The following GPC6 variants were observed in gnomAD, a reference collection of about 807,000 sequenced individuals.
The protein encoded by GPC6 is glypican 6.
In GPC6, 14 loss-of-function variants were observed where a neutral mutation model predicts 55.2. The observed-to-expected ratio is 0.25, with a 90% CI of 0.17 to 0.40. The LOEUF (loss-of-function observed/expected upper bound fraction) is 0.40. Ranked by LOEUF, GPC6 falls within the 10% of genes least tolerant of loss-of-function variation. The pLI is 1.00. For synonymous variants in GPC6, 278 were observed against 259.6 expected, an observed-to-expected ratio of 1.07 and a Z score of -0.68; for missense variants, 641 against 708.5, an observed-to-expected ratio of 0.90 and a Z score of 1.08.
chr13:94,177,130 C>G (rs947866458), intron 4 of GPC6, among the ~76,000 whole-genome samples: 1 of 152,164 alleles, frequency 6.6e-6, no homozygotes, highest in East Asian at 1.9e-4. Context: ...TTAACTCAAT[C>G]AGCTAAATAG....
chr13:94,250,934 C>T (rs1205179414), intron 4 of GPC6, among the ~76,000 whole-genome samples: 2 of 152,072 alleles, frequency 1.3e-5, no homozygotes, highest in Non-Finnish European at 2.9e-5. Context: ...GGATTTTCGA[C>T]ATTGATGCAG....
chr13:93,544,846 C>T (rs868298491), intron 1 of GPC6, among the ~76,000 whole-genome samples: 7 of 152,124 alleles, frequency 4.6e-5, no homozygotes, highest in Admixed American at 4.6e-4. Context: ...ACCCAAGGGA[C>T]AGTTATCATC....
intron 4 of GPC6, among the ~76,000 whole-genome samples, chr13:94,119,954 A>G (rs536494511): frequency 2.3e-4 from 35 of 152,258 alleles, no homozygotes; most frequent in Admixed American, 3.3e-4. Context: ...TTTCTTACAT[A>G]TAGATAAAAT....
At chr13:93,547,643 C>T (rs574471245) in intron 2 of GPC6, among the ~76,000 whole-genome samples, 7 of 151,988 alleles carry the variant, frequency 4.6e-5, no homozygotes, top group Non-Finnish European at 8.8e-5. Context: ...TTAGCAACCA[C>T]TCATCTTATT....
chr13:93,658,114 GT>G (rs1320934138), intron 2 of GPC6, among the ~76,000 whole-genome samples: 4 of 151,930 alleles, frequency 2.6e-5, no homozygotes. Context: ...CATTTGATGA[GT>G]TTTGATAAAT....
intron 2 of GPC6, among the ~76,000 whole-genome samples, chr13:93,649,778 T>A (rs2139597269): frequency 6.6e-6 from 1 of 152,258 alleles, no homozygotes; most frequent in East Asian, 1.9e-4. Flanking sequence ...ACAGTTATGC[T>A]TATGCAGACC....
intron 1 of GPC6, among the ~76,000 whole-genome samples, chr13:93,319,424 AAGAGAGAATGTTAACTT>A: frequency 6.6e-6 from 1 of 152,322 alleles, no homozygotes; most frequent in East Asian, 1.9e-4. Context: ...TTAAATAAGC[AAGAGAGAATGTTAACTT>A]AGAGAAATAA....
intron 2 of GPC6, among the ~76,000 whole-genome samples, chr13:93,574,211 A>G (rs1042827151): frequency 1.2e-4 from 18 of 152,162 alleles, no homozygotes; most frequent in African/African-American, 4.3e-4. Context: ...TTATTTGACA[A>G]TAAGTTTATT....
chr13:93,766,300 A>G (rs1333237333), intron 2 of GPC6, among the ~76,000 whole-genome samples: 4 of 152,206 alleles, frequency 2.6e-5, no homozygotes, highest in African/African-American at 7.2e-5. Context: ...TAGTGCAGTC[A>G]TTAATGGATT....
intron 1 of GPC6, among the ~76,000 whole-genome samples, chr13:93,534,459 G>A (rs1018456700): frequency 1.3e-5 from 2 of 152,110 alleles, no homozygotes; most frequent in Middle Eastern, 3.2e-3. Context: ...TTCTGAGGGC[G>A]GAGAGCTTGC....
rs1361068083 is a variant in GPC6, at chr13:94,405,580, C to G, written c.*2363C>G. The G allele has an allele frequency of 6.6e-6, 1 of 152,102 alleles. No individual in the cohort carries two copies. Among genetic ancestry groups the G allele is most frequent in the Non-Finnish European group, 1.5e-5 (1 of 67,994 alleles). The allele number at this position is 152,102 out of a possible 1,614,324, so 9.4% of individuals were successfully genotyped here. ...CTTGTTTTTCCTGTGCTTTCACCCC[C>G]AAAAGGTTTTGTGCATGTGTATGAA... On this transcript the variant is annotated 3_prime_UTR_variant, in exon 9 of 9. Coordinates refer to ENST00000377047, the MANE Select transcript of GPC6 (RefSeq NM_005708.5).
chr13:94,199,518 A>T (rs780605840), intron 4 of GPC6, among the ~76,000 whole-genome samples: 1 of 152,130 alleles, frequency 6.6e-6, no homozygotes, highest in Non-Finnish European at 1.5e-5. Flanking sequence ...CGGAGTGATG[A>T]TGAGGTTTCT....
intron 4 of GPC6, among the ~76,000 whole-genome samples, chr13:94,110,844 T>C (rs2138839441): frequency 6.6e-6 from 1 of 152,172 alleles, no homozygotes; most frequent in East Asian, 1.9e-4. Context: ...CATTTCTCTT[T>C]GTGAAAATGT....
intron 2 of GPC6, among the ~76,000 whole-genome samples, chr13:93,668,989 C>T (rs1210120181): frequency 6.6e-6 from 1 of 152,192 alleles, no homozygotes; most frequent in African/African-American, 2.4e-5. Context: ...TGAGATATTA[C>T]TCTGACTTAT....
At chr13:93,555,131 G>A (rs1381391154) in intron 2 of GPC6, among the ~76,000 whole-genome samples, 1 of 152,200 alleles carries the variant, frequency 6.6e-6, no homozygotes, top group East Asian at 1.9e-4. Context: ...TTATTTGCAT[G>A]TTTTCTCCTT....
chr13:93,753,892 C>G (rs909176145), intron 2 of GPC6, among the ~76,000 whole-genome samples: 1 of 152,154 alleles, frequency 6.6e-6, no homozygotes, highest in African/African-American at 2.4e-5. Context: ...AGTAATCCTC[C>G]TGCTCCAGCT....
At chr13:94,389,451 C>CT (rs1880549153) in intron 7 of GPC6, among the ~76,000 whole-genome samples, 1 of 152,124 alleles carries the variant, frequency 6.6e-6, no homozygotes, top group African/African-American at 2.4e-5. Flanking sequence ...CAGGTTAGAA[C>CT]TTTGTCAGGC....
At chr13:93,248,313 T>C (rs968399551) in intron 1 of GPC6, among the ~76,000 whole-genome samples, 4 of 151,690 alleles carry the variant, frequency 2.6e-5, no homozygotes, top group African/African-American at 9.7e-5. Flanking sequence ...GCCATGATTT[T>C]AAAAAGCACA....
chr13:93,291,496 C>T (rs569627856), intron 1 of GPC6, among the ~76,000 whole-genome samples: 26 of 152,128 alleles, frequency 1.7e-4, no homozygotes, highest in Non-Finnish European at 3.7e-4. Context: ...TCAACCTCTT[C>T]GTTATGTATT....
Sources: gnomAD v4.1 joint callset for allele counts (sites outside exome capture counted in the v4.1 genomes callset) on GRCh38, gnomAD v4.1.1 for gene constraint, MANE v1.5 for transcripts, NCBI Gene and HGNC (gene_info 2026-07-23, HGNC 2026-07-21) for gene names.